The following THTPA variants were observed in gnomAD, a reference collection of about 807,000 sequenced individuals.
THTPA encodes the protein thiamine triphosphatase.
A neutral mutation model predicts 16.5 loss-of-function variants in THTPA; 16 were observed. The observed-to-expected ratio is 0.97, with a 90% CI of 0.66 to 1.47. The LOEUF (loss-of-function observed/expected upper bound fraction) is 1.47. THTPA is among the 40% of genes most tolerant of loss of function. The pLI, the probability that THTPA is intolerant of heterozygous loss-of-function variation, is 0.00. For missense variants in THTPA, 281 were observed against 280.9 expected (o/e 1.00, Z 0.00); for synonymous variants, 110 against 115.5 (o/e 0.95, Z 0.30).
chr14:23,523,286 G>T, the THTPA span: 4 of 1,440,344 alleles, frequency 2.8e-6, no homozygotes, highest in Non-Finnish European at 3.6e-6. The surrounding 1 kb of genome is among the most constrained non-coding windows in gnomAD (Gnocchi z 4.1). Context: ...GCGAGGCAAG[G>T]TTGGGGCAGC....
At chr14:23,529,571 T>G in the THTPA span, 1 of 872,538 alleles carries the variant, frequency 1.1e-6, no homozygotes. Context: ...GAACTGGATC[T>G]GGGTGGAATT....
At chr14:23,550,177 G>A in the THTPA span, among the ~76,000 whole-genome samples, 2 of 152,236 alleles carry the variant, frequency 1.3e-5, no homozygotes, top group South Asian at 2.1e-4. Context: ...TGGCAAAGGG[G>A]ACAGTCAACA....
upstream of THTPA, among the ~76,000 whole-genome samples, chr14:23,554,414 G>C (rs1882189659): frequency 6.6e-6 from 1 of 152,112 alleles, no homozygotes; most frequent in South Asian, 2.1e-4. Context: ...TTGCTCTGTT[G>C]CCGAGGCTGG....
the THTPA span, chr14:23,534,695 G>T: frequency 6.5e-7 from 1 of 1,536,210 alleles, no homozygotes; most frequent in East Asian, 2.4e-5. The surrounding 1 kb of genome is among the most constrained non-coding windows in gnomAD (Gnocchi z 4.5). Context: ...GGAGCCAGCT[G>T]GTAGCTCCAG....
the THTPA span, chr14:23,530,188 G>A: frequency 2.0e-5 from 31 of 1,534,832 alleles, no homozygotes; most frequent in Non-Finnish European, 2.6e-5. Flanking sequence ...GGTGACAGGA[G>A]CCTTCCCTGT....
the THTPA span, chr14:23,533,613 G>T: frequency 6.5e-7 from 1 of 1,536,732 alleles, no homozygotes; most frequent in Non-Finnish European, 8.7e-7. This position sits in a 1 kb window ranked among gnomAD's most constrained non-coding sequence, Gnocchi z 4.8. Flanking sequence ...TGCACACCTT[G>T]CACTGCCAGG....
upstream of THTPA, among the ~76,000 whole-genome samples, chr14:23,551,156 G>C (rs1389205509): frequency 6.6e-6 from 1 of 150,916 alleles, no homozygotes; most frequent in Non-Finnish European, 1.5e-5. This position sits in a 1 kb window ranked among gnomAD's most constrained non-coding sequence, Gnocchi z 5.3. Flanking sequence ...CAGGGCTCTC[G>C]GTCTGTCTGT....
chr14:23,522,091 T>C, the THTPA span: 5 of 1,535,904 alleles, frequency 3.3e-6, no homozygotes, highest in Non-Finnish European at 4.4e-6. Flanking sequence ...TGGAGATGGG[T>C]GGGCCCCCTT....
chr14:23,517,536 G>T, the THTPA span, among the ~76,000 whole-genome samples: 1 of 152,216 alleles, frequency 6.6e-6, no homozygotes, highest in East Asian at 1.9e-4. Flanking sequence ...GCTTCTGAGA[G>T]AAATTGTCCC....
the THTPA span, among the ~76,000 whole-genome samples, chr14:23,540,576 G>C: frequency 6.6e-6 from 1 of 152,196 alleles, no homozygotes; most frequent in East Asian, 1.9e-4. Flanking sequence ...ACTATAACTA[G>C]ATGAGCTCTA....
chr14:23,525,354 G>T, the THTPA span: 1 of 1,536,062 alleles, frequency 6.5e-7, no homozygotes, highest in African/African-American at 1.4e-5. This position sits in a 1 kb window ranked among gnomAD's most constrained non-coding sequence, Gnocchi z 5.9. Flanking sequence ...GGCTCTGCAA[G>T]GGGCGGGTAT....
At chr14:23,525,849 G>A in the THTPA span, 4 of 1,456,634 alleles carry the variant, frequency 2.7e-6, no homozygotes, top group South Asian at 5.7e-5. The surrounding 1 kb of genome is among the most constrained non-coding windows in gnomAD (Gnocchi z 5.9). Context: ...TAGAAGGGCA[G>A]GAGCAGCTGC....
chr14:23,538,903 G>A, the THTPA span, among the ~76,000 whole-genome samples: 1 of 152,140 alleles, frequency 6.6e-6, no homozygotes, highest in African/African-American at 2.4e-5. Context: ...GCCACAGACG[G>A]CAGAAAGAGT....
chr14:23,520,022 C>T, the THTPA span, among the ~76,000 whole-genome samples: 1 of 152,156 alleles, frequency 6.6e-6, no homozygotes, highest in African/African-American at 2.4e-5. The surrounding 1 kb of genome is among the most constrained non-coding windows in gnomAD (Gnocchi z 8.7). Context: ...GACTTCTCTA[C>T]CCCACACTAC....
At position 23,559,813 on chromosome 14, in the gene THTPA, T is replaced by C. The variant is rs573100612; in HGVS notation, c.*973T>C. 1.9e-5 allele frequency: 31 copies of C among 1,614,012 alleles called. No individual in the cohort carries two copies. In the Admixed American group the frequency reaches 3.7e-4, roughly 19 times the overall value. Reference sequence around the variant, plus strand: ...GATCTCCTGCACCGACTGGTGAAAGTGGTCGTAGGTGAGGCGCAGCTTTAG... The same window carrying C: ...GATCTCCTGCACCGACTGGTGAAAGCGGTCGTAGGTGAGGCGCAGCTTTAG... On this transcript the variant is annotated 3_prime_UTR_variant, in exon 2 of 2. Transcript: ENST00000288014.
At chr14:23,521,254 G>C in the THTPA span, 1 of 152,484 alleles carries the variant, frequency 6.6e-6, no homozygotes, top group East Asian at 1.9e-4. Flanking sequence ...CAAGGAGAGG[G>C]TTAGGAGGGA....
At chr14:23,520,658 A>C in the THTPA span, among the ~76,000 whole-genome samples, 1 of 152,048 alleles carries the variant, frequency 6.6e-6, no homozygotes. This position sits in a 1 kb window ranked among gnomAD's most constrained non-coding sequence, Gnocchi z 8.7. Flanking sequence ...CTGTATCGCC[A>C]GCTCCCACCT....
the THTPA span, among the ~76,000 whole-genome samples, chr14:23,550,354 T>C: frequency 1.3e-5 from 2 of 152,152 alleles, no homozygotes; most frequent in South Asian, 2.1e-4. Context: ...AATTCCAAAG[T>C]AGCCTGAAAA....
At chr14:23,548,490 T>C in the THTPA span, 2 of 152,210 alleles carry the variant, frequency 1.3e-5, no homozygotes, top group Non-Finnish European at 2.9e-5. Flanking sequence ...TCTGACATCA[T>C]GGAGGGAGGA....
Sources: allele counts gnomAD v4.1 joint callset (sites outside exome capture counted in the v4.1 genomes callset), GRCh38; gene constraint gnomAD v4.1.1; non-coding constraint Gnocchi (gnomAD v3.1); transcripts MANE v1.5; gene names NCBI Gene and HGNC (gene_info 2026-07-23, HGNC 2026-07-21).